PLAAT5: variants seen among roughly 807,000 people sequenced by gnomAD.
PLAAT5 encodes the protein Ca(2+)-independent N-acyltransferase.
A neutral mutation model predicts 27.8 loss-of-function variants in PLAAT5; 27 were observed. The ratio of observed to expected loss-of-function variants is 0.97; its 90% CI spans 0.72 to 1.34. The LOEUF (loss-of-function observed/expected upper bound fraction) is 1.34, where lower values mean the gene tolerates loss of function less well. Among genes scored for constraint, PLAAT5 ranks in the 40% most tolerant of loss-of-function variants. The probability of loss-of-function intolerance (pLI) is 0.00; values close to 1 mark genes in which losing one functional copy is unlikely to be tolerated. For synonymous variants in PLAAT5, 125 were observed against 136.1 expected (o/e 0.92, Z 0.57); for missense variants, 368 against 343.8 (o/e 1.07, Z -0.56).
At chr11:63,479,339 G>C (rs1447660310) in intron 3 of PLAAT5, among the ~76,000 whole-genome samples, 1 of 152,226 alleles carries the variant, frequency 6.6e-6, no homozygotes, top group African/African-American at 2.4e-5. Context: ...AGACTATATT[G>C]CTTTAAGCAG....
intron 3 of PLAAT5, chr11:63,469,468 C>T (rs1590608873): frequency 4.1e-6 from 1 of 241,444 alleles, no homozygotes; most frequent in East Asian, 1.1e-4. Flanking sequence ...TAGCGAAACA[C>T]CCAGTTACAT....
At chr11:63,480,394 GAAGGA>G (rs948316121) in intron 3 of PLAAT5, among the ~76,000 whole-genome samples, 1 of 152,240 alleles carries the variant, frequency 6.6e-6, no homozygotes, top group Non-Finnish European at 1.5e-5. Flanking sequence ...AGGGATTGGA[GAAGGA>G]AAGAGGAGGG....
chr11:63,481,381 A>G (rs1055292558), intron 3 of PLAAT5, among the ~76,000 whole-genome samples: 6 of 152,264 alleles, frequency 3.9e-5, no homozygotes, highest in African/African-American at 1.2e-4. Flanking sequence ...TGGAGGTTGC[A>G]GTGAGCCAAG....
At chr11:63,483,842 T>TATATATAC (rs1345938456) in intron 3 of PLAAT5, among the ~76,000 whole-genome samples, 14 of 94,008 alleles carry the variant, frequency 1.5e-4, no homozygotes, top group Non-Finnish European at 2.2e-4. Flanking sequence ...TATATATATA[T>TATATATAC]ACACATATAT....
chr11:63,491,061 C>T lies in PLAAT5; in HGVS notation c.-27G>A. ...CCGCCTCTGCGGCCTCGCCGGCCCC[C>T]AGGCCTTGCAGGGGACTACGCCCCT... is the stretch of plus-strand genomic sequence containing the variant. On this transcript the variant is annotated 5_prime_UTR_variant, in exon 1 of 6. Coordinates refer to ENST00000540857, the MANE Select transcript of PLAAT5 (RefSeq NM_001146729.2). The T allele has an allele frequency of 1.4e-6, 2 of 1,415,530 alleles. No individual in the cohort carries two copies. Among genetic ancestry groups the T allele is most frequent in the Non-Finnish European group, 1.8e-6 (2 of 1,087,236 alleles). 87.7% of individuals were successfully genotyped at this position (1,415,530 alleles called of 1,614,324 possible). A position where few individuals can be genotyped will look rare whatever the true frequency, so the allele number is the denominator to read the frequency against.
At position 63,490,970 on chromosome 11, in the gene PLAAT5, AG is replaced by A; in HGVS notation, c.64del (p.Leu22SerfsTer50). 6.4e-7 allele frequency: 1 copy of A among 1,573,252 alleles called. No individual in the cohort carries two copies. The highest frequency in any genetic ancestry group is 8.6e-7 in the Non-Finnish European group (1 of 1,158,156). ...GGCGGTTCGCGAGGCGGGTTTGGGGAGGGGTGGGGGAATCCTAGGGAGGCGG... is the reference window on the plus strand; with the variant it reads ...GGCGGTTCGCGAGGCGGGTTTGGGGAGGGTGGGGGAATCCTAGGGAGGCGG... ...ALRLPRIPPP[L>X]PKPASRTAST... On this transcript the variant is annotated frameshift_variant, in exon 1 of 6. Transcript: ENST00000540857. LOFTEE classifies it high-confidence loss of function.
At position 63,463,585 on chromosome 11, in the gene PLAAT5, G is replaced by C. The variant is rs199651000; in HGVS notation, c.728C>G (p.Ala243Gly). ...AGCAGCCTTCGCTCCTTCCATCAGGGCGTGCTCTACCTGCAAAGCACATCA... is the reference window on the plus strand; with the variant it reads ...AGCAGCCTTCGCTCCTTCCATCAGGCCGTGCTCTACCTGCAAAGCACATCA... ...GVPRSQQVEHALMEGAKAAGA... is the reference protein window; with the variant it reads ...GVPRSQQVEHGLMEGAKAAGA... The change falls in exon 6 of 6, where the codon GCC becomes GGC. Residue 243 changes from alanine (A) to glycine (G), a missense_variant. Physicochemically the swap from Ala to Gly is moderately conservative, Grantham distance 60. Coordinates refer to ENST00000540857, the MANE Select transcript of PLAAT5 (RefSeq NM_001146729.2). 3 of 1,613,370 alleles carry C rather than the reference G, an allele frequency of 1.9e-6. No homozygotes were observed. Among genetic ancestry groups the C allele is most frequent in the Admixed American group, 1.7e-5 (1 of 60,006 alleles).
At chr11:63,472,363 C>T (rs546934936) in intron 3 of PLAAT5, among the ~76,000 whole-genome samples, 2 of 152,308 alleles carry the variant, frequency 1.3e-5, no homozygotes, top group East Asian at 3.9e-4. Context: ...CTGCAGCATG[C>T]GTCAGTTACT....
intron 5 of PLAAT5, among the ~76,000 whole-genome samples, chr11:63,465,071 C>T (rs895151373): frequency 3.9e-5 from 6 of 152,028 alleles, no homozygotes; most frequent in African/African-American, 1.4e-4. Context: ...TGAGGTCAGG[C>T]ATTCAAGACC....
intron 3 of PLAAT5, among the ~76,000 whole-genome samples, chr11:63,469,125 T>TGC (rs2015946729): frequency 1.4e-5 from 2 of 145,742 alleles, no homozygotes; most frequent in Admixed American, 1.3e-4. Flanking sequence ...TGTGTGTGTG[T>TGC]GTGTGTGTGT....
chr11:63,465,987 A>C, intron 5 of PLAAT5, 123 bp downstream of exon 5: 3 of 995,668 alleles, frequency 3.0e-6, no homozygotes, highest in Non-Finnish European at 4.4e-6. Context: ...GCAGAAATAG[A>C]AGGCCCTACT....
chr11:63,484,255 A>G (rs1461404439), intron 3 of PLAAT5, among the ~76,000 whole-genome samples: 1 of 151,956 alleles, frequency 6.6e-6, no homozygotes, highest in Non-Finnish European at 1.5e-5. Flanking sequence ...CTATTCCAAA[A>G]GACAGAGAAA....
At chr11:63,479,039 T>C (rs976233325) in intron 3 of PLAAT5, among the ~76,000 whole-genome samples, 1 of 152,200 alleles carries the variant, frequency 6.6e-6, no homozygotes, top group Non-Finnish European at 1.5e-5. Flanking sequence ...CAGAATGATA[T>C]TGCAGGAGAC....
chr11:63,488,052 G>A (rs1264890800), intron 3 of PLAAT5, among the ~76,000 whole-genome samples: 1 of 152,224 alleles, frequency 6.6e-6, no homozygotes, highest in African/African-American at 2.4e-5. Flanking sequence ...GGCTGAGGCA[G>A]GAGAATGGCG....
Position 63,463,464 on chromosome 11 carries a change from T to C in PLAAT5, c.*39A>G, listed in dbSNP as rs1053620818. Reference sequence around the variant, plus strand: ...GAAGGAAGCATGTTCTTTTTGCTTGTGTCAGTAACTCTTCCTCTAGCTGGA... The same window carrying C: ...GAAGGAAGCATGTTCTTTTTGCTTGCGTCAGTAACTCTTCCTCTAGCTGGA... On this transcript the variant is annotated 3_prime_UTR_variant, in exon 6 of 6. Coordinates refer to ENST00000540857, the MANE Select transcript of PLAAT5 (RefSeq NM_001146729.2). The C allele has an allele frequency of 2.7e-6, 4 of 1,466,030 alleles. No homozygotes were observed. The highest frequency in any genetic ancestry group is 2.9e-6 in the Non-Finnish European group (3 of 1,047,216). The allele number at this position is 1,466,030 out of a possible 1,614,324, so 90.8% of individuals were successfully genotyped here. A position where few individuals can be genotyped will look rare whatever the true frequency, so the allele number is the denominator to read the frequency against.
chr11:63,490,490 G>T, intron 1 of PLAAT5, 157 bp from the exon 2 acceptor site: 1 of 1,164,642 alleles, frequency 8.6e-7, no homozygotes, highest in South Asian at 1.4e-5. Flanking sequence ...AGAGGGTTGT[G>T]GAACTAGGTG....
intron 3 of PLAAT5, among the ~76,000 whole-genome samples, chr11:63,483,401 C>T (rs2016331016): frequency 6.6e-6 from 1 of 151,888 alleles, no homozygotes; most frequent in East Asian, 1.9e-4. Context: ...GAAAATATAT[C>T]AAGTACCCTC....
chr11:63,469,551 G>T lies in PLAAT5; in HGVS notation c.346-1086C>A, dbSNP rs182863777. On this transcript the variant is annotated intron_variant, in intron 3 of 5. Transcript: ENST00000540857. Reference sequence around the variant, plus strand: ...TCATTCCCAAAAGTGATACTAAAAAGATATGGAAAATGTGAACATGAGAAT... The same window carrying T: ...TCATTCCCAAAAGTGATACTAAAAATATATGGAAAATGTGAACATGAGAAT... 337 of 235,688 alleles carry T rather than the reference G, an allele frequency of 1.4e-3. 1 individual carries two copies. Among genetic ancestry groups the T allele is most frequent in the African/African-American group, 7.0e-3 (305 of 43,600 alleles). The allele number at this position is 235,688 out of a possible 1,614,324, so 14.6% of individuals were successfully genotyped here. A position where few individuals can be genotyped will look rare whatever the true frequency, so the allele number is the denominator to read the frequency against.
At position 63,478,224 on chromosome 11, in the gene PLAAT5, C is replaced by T. The variant is rs546291469; in HGVS notation, c.346-9759G>A. Among the ~76,000 whole-genome samples, 325 of 152,316 alleles carry T rather than the reference C, an allele frequency of 2.1e-3. 1 individual carries two copies. Among genetic ancestry groups the T allele is most frequent in the African/African-American group, 7.1e-3 (295 of 41,572 alleles). ...ATTCCCTCCCACAAGCCCCACCCAC[C>T]TGGATAGAACTTCCTTACCACAACC... On this transcript the variant is annotated intron_variant, in intron 3 of 5. Coordinates refer to ENST00000540857, the MANE Select transcript of PLAAT5 (RefSeq NM_001146729.2).
Sources: allele counts gnomAD v4.1 joint callset (sites outside exome capture counted in the v4.1 genomes callset), GRCh38; gene constraint gnomAD v4.1.1; transcripts MANE v1.5; gene names NCBI Gene and HGNC (gene_info 2026-07-23, HGNC 2026-07-21).